METTL25: variants seen among roughly 807,000 people sequenced by gnomAD.
METTL25 encodes the protein probable methyltransferase-like protein 25.
Under a neutral mutation model 71.6 loss-of-function variants are expected in METTL25, and 64 were observed. That is an observed-to-expected ratio of 0.89 (90% CI 0.73 to 1.10). METTL25 has a LOEUF of 1.10. Among genes scored for constraint, METTL25 ranks in the 50% least tolerant of loss-of-function variants. METTL25 has a pLI of 0.00. For synonymous variants in METTL25, 287 were observed against 250.3 expected (o/e 1.15, Z -1.38); for missense variants, 807 against 707.0 (o/e 1.14, Z -1.60).
chr12:82,388,221 A>G (rs1325745782), intron 2 of METTL25, among the ~76,000 whole-genome samples: 1 of 152,094 alleles, frequency 6.6e-6, no homozygotes, highest in Non-Finnish European at 1.5e-5. Context: ...GGTGACCCTA[A>G]GTTTACTCAC....
In METTL25 at chr12:82,439,744, C is replaced by T. The variant is rs371231122; in HGVS notation, c.1478+953C>T. The T allele has an allele frequency of 5.5e-4, 177 of 319,940 alleles. 2 individuals are homozygous for T. The South Asian group carries it at 0.021, about 38-fold the overall frequency. 19.8% of individuals were successfully genotyped at this position (319,940 alleles called of 1,614,324 possible). A position where few individuals can be genotyped will look rare whatever the true frequency, so the allele number is the denominator to read the frequency against. ...TTTCATGTGCTCCTGAAAACTAGTT[C>T]CTTCTCTTATATTTACCCTAAGATG... On this transcript the variant is annotated intron_variant, in intron 8 of 11. Transcript: ENST00000248306.
intron 8 of METTL25, among the ~76,000 whole-genome samples, chr12:82,448,610 A>G (rs975228414): frequency 6.6e-6 from 1 of 152,082 alleles, no homozygotes; most frequent in African/African-American, 2.4e-5. Flanking sequence ...TTTGCTACCT[A>G]TAATTATGTT....
chr12:82,460,920 G>A (rs1459225299), intron 9 of METTL25, among the ~76,000 whole-genome samples: 1 of 152,176 alleles, frequency 6.6e-6, no homozygotes, highest in Non-Finnish European at 1.5e-5. Context: ...AAGGCGGGCG[G>A]ATCACAAGGT....
At position 82,403,058 on chromosome 12, in the gene METTL25, G is replaced by A. The variant is rs1408953776; in HGVS notation, c.1207G>A (p.Glu403Lys). Residue 403 changes from glutamate (E) to lysine (K), a missense_variant, in exon 5 of 12, where the codon GAA becomes AAA. Physicochemically the swap from Glu to Lys is moderately conservative, Grantham distance 56. Transcript: ENST00000248306. ...TTTGCGAATATTTACCTCCAACTCT[G>A]AAATCAAGGGAGTTTGCAGTGTGGG... The part of the protein sequence containing the change: ...NTLRIFTSNS[E>K]IKGVCSVGCC... The A allele has an allele frequency of 1.2e-6, 2 of 1,613,292 alleles. No individual in the cohort carries two copies. Among genetic ancestry groups the A allele is most frequent in the Non-Finnish European group, 1.7e-6 (2 of 1,179,506 alleles).
At chr12:82,466,554 ATG>A (rs1396935626) in intron 9 of METTL25, among the ~76,000 whole-genome samples, 1 of 152,066 alleles carries the variant, frequency 6.6e-6, no homozygotes, top group African/African-American at 2.4e-5. Flanking sequence ...GATGAAAAGA[ATG>A]TGTATTCTGC....
At position 82,399,119 on chromosome 12, in the gene METTL25, A is replaced by C. The variant is rs1459860094; in HGVS notation, c.856A>C (p.Ile286Leu). 2.5e-6 allele frequency: 4 copies of C among 1,613,798 alleles called. No homozygotes were observed. Among genetic ancestry groups the C allele is most frequent in the Non-Finnish European group, 3.4e-6 (4 of 1,179,862 alleles). ...TTTGCCTGATTTTTCTGGCTCTGTAATTTCTAATATCAGAAACCAAATGGA... is the reference window on the plus strand; with the variant it reads ...TTTGCCTGATTTTTCTGGCTCTGTACTTTCTAATATCAGAAACCAAATGGA... ...AILPDFSGSVISNIRNQMETL... is the reference protein window; with the variant it reads ...AILPDFSGSVLSNIRNQMETL... Residue 286 changes from isoleucine to leucine, a missense_variant, in exon 4 of 12, where the codon ATT becomes CTT. Coordinates refer to ENST00000248306, the MANE Select transcript of METTL25 (RefSeq NM_032230.3).
chr12:82,422,832 C>A (rs1888642489), intron 5 of METTL25, among the ~76,000 whole-genome samples: 1 of 152,126 alleles, frequency 6.6e-6, no homozygotes, highest in South Asian at 2.1e-4. Context: ...AGGAATCCAC[C>A]TTACAAGGGA....
At chr12:82,451,901 T>C (rs1376423517) in intron 8 of METTL25, among the ~76,000 whole-genome samples, 3 of 152,156 alleles carry the variant, frequency 2.0e-5, no homozygotes, top group Non-Finnish European at 4.4e-5. Context: ...CAGTTTATCT[T>C]AGGAACACAG....
At chr12:82,446,585 A>C (rs908123783) in intron 8 of METTL25, among the ~76,000 whole-genome samples, 1 of 152,016 alleles carries the variant, frequency 6.6e-6, no homozygotes. Context: ...GTCAATTAAG[A>C]AGTTAAAAAG....
chr12:82,360,195 G>A (rs1881647690), intron 1 of METTL25, among the ~76,000 whole-genome samples: 1 of 152,122 alleles, frequency 6.6e-6, no homozygotes, highest in Non-Finnish European at 1.5e-5. Context: ...ACTTTAATAC[G>A]TGTTTAGCCT....
At chr12:82,446,456 T>C (rs1890745996) in intron 8 of METTL25, among the ~76,000 whole-genome samples, 1 of 151,150 alleles carries the variant, frequency 6.6e-6, no homozygotes, top group South Asian at 2.1e-4. Flanking sequence ...AAAGTAGAAA[T>C]CATATCAAGT....
chr12:82,407,989 T>A (rs1887234317), intron 5 of METTL25: 2 of 983,774 alleles, frequency 2.0e-6, no homozygotes, highest in Non-Finnish European at 2.4e-6. Flanking sequence ...ACAGTATTTC[T>A]CAATTCTAGC....
At chr12:82,361,098 T>G (rs539344800) in intron 1 of METTL25, among the ~76,000 whole-genome samples, 2 of 151,600 alleles carry the variant, frequency 1.3e-5, no homozygotes, top group East Asian at 4.0e-4. Context: ...CCCACCCACA[T>G]CCTGCCGATT....
At chr12:82,372,974 A>G (rs1418341177) in intron 1 of METTL25, among the ~76,000 whole-genome samples, 1 of 152,204 alleles carries the variant, frequency 6.6e-6, no homozygotes, top group Non-Finnish European at 1.5e-5. Context: ...CTTCTAGACC[A>G]CAAGGAGGAC....
chr12:82,461,947 C>A (rs939910010), intron 9 of METTL25, among the ~76,000 whole-genome samples: 6 of 152,170 alleles, frequency 3.9e-5, no homozygotes, highest in African/African-American at 1.4e-4. Flanking sequence ...TCTAGTTTCT[C>A]TTTAGGACTG....
At chr12:82,439,886 C>G in intron 8 of METTL25, 1 of 845,086 alleles carries the variant, frequency 1.2e-6, no homozygotes, top group Non-Finnish European at 1.4e-6. Context: ...TTTATGACTT[C>G]TTAAATTTGT....
chr12:82,478,515 A>G (rs767366087), intron 11 of METTL25, among the ~76,000 whole-genome samples: 28 of 151,842 alleles, frequency 1.8e-4, no homozygotes, highest in Non-Finnish European at 3.4e-4. Flanking sequence ...TATATAGTGC[A>G]TATTATTTGT....
chr12:82,376,152 A>G (rs181635645), intron 1 of METTL25, among the ~76,000 whole-genome samples: 11 of 152,330 alleles, frequency 7.2e-5, no homozygotes, highest in African/African-American at 2.6e-4. Context: ...TTCAATCTTT[A>G]TATTTTTTAA....
In METTL25 at chr12:82,358,631, A is replaced by T; in HGVS notation, c.66A>T (p.Gly22=). The change falls in exon 1 of 12, where the codon GGA becomes GGT. Residue 22 remains glycine, a synonymous_variant. Transcript: ENST00000248306. ...DLPTLRAKLQ[G]LLQFLRDALS... ...CCACGCTGCGTGCCAAGTTGCAGGG[A>T]CTGCTGCAGTTCCTGAGGGATGCCC... The T allele has an allele frequency of 1.2e-6, 2 of 1,613,996 alleles. No individual in the cohort carries two copies. The highest frequency in any genetic ancestry group is 2.2e-5 in the South Asian group (2 of 91,072).
Sources: allele counts gnomAD v4.1 joint callset (sites outside exome capture counted in the v4.1 genomes callset), GRCh38; gene constraint gnomAD v4.1.1; transcripts MANE v1.5; gene names NCBI Gene and HGNC (gene_info 2026-07-23, HGNC 2026-07-21).